NGF: variants seen among roughly 807,000 people sequenced by gnomAD.
The protein encoded by NGF is beta-nerve growth factor.
NGF carries 4 observed loss-of-function variants against 12.8 expected under a neutral mutation model. The observed-to-expected ratio is 0.31, with a 90% CI of 0.15 to 0.72. NGF has a LOEUF of 0.72. Among genes scored for constraint, NGF ranks in the 30% least tolerant of loss-of-function variants. The pLI is 0.69. For missense variants in NGF, 283 were observed against 330.8 expected (o/e 0.86, Z 1.12); for synonymous variants, 140 against 130.0 (o/e 1.08, Z -0.52).
At chr1:115,332,183 T>G (rs919835374) in intron 1 of NGF, among the ~76,000 whole-genome samples, 4 of 152,232 alleles carry the variant, frequency 2.6e-5, no homozygotes, top group African/African-American at 9.6e-5. Flanking sequence ...AACATGGTCA[T>G]TCTCAAGAAA....
intron 1 of NGF, among the ~76,000 whole-genome samples, chr1:115,322,636 T>C (rs183256735): frequency 3.0e-4 from 46 of 152,334 alleles, no homozygotes; most frequent in African/African-American, 1.0e-3. Context: ...CTGGTTGTGA[T>C]AACAACAACT....
At chr1:115,299,839 G>A (rs975918069) in intron 1 of NGF, among the ~76,000 whole-genome samples, 4 of 152,108 alleles carry the variant, frequency 2.6e-5, no homozygotes, top group African/African-American at 7.2e-5. Context: ...TTGGCCTTTC[G>A]CTGATCCGTT....
chr1:115,287,462 A>G (rs1031201890), intron 2 of NGF, among the ~76,000 whole-genome samples: 2 of 152,196 alleles, frequency 1.3e-5, no homozygotes, highest in African/African-American at 4.8e-5. Context: ...ACGCTACCCC[A>G]CATATATAAA....
At position 115,286,577 on chromosome 1, in the gene NGF, G is replaced by A. The variant is rs780383333; in HGVS notation, c.219C>T (p.Asp73=). ...GTCGCCGCTTTTTAAACAGCCTGGG[G>A]TCCACAGTAATGTTGCGGGTCTGCC... ...VAGQTRNITV[D]PRLFKKRRLR... Residue 73 remains aspartate (D), a synonymous_variant, in exon 3 of 3, where the codon GAC becomes GAT. Transcript: ENST00000369512. 22 of 1,614,196 alleles carry A rather than the reference G, an allele frequency of 1.4e-5. No homozygotes were observed. Among genetic ancestry groups the A allele is most frequent in the Non-Finnish European group, 1.8e-5 (21 of 1,180,034 alleles).
At chr1:115,297,068 G>A (rs1653895760) in intron 1 of NGF, among the ~76,000 whole-genome samples, 1 of 138,318 alleles carries the variant, frequency 7.2e-6, no homozygotes, top group Non-Finnish European at 1.7e-5. Flanking sequence ...TGGGTTTCAT[G>A]CTTTAAAGCA....
At chr1:115,319,636 A>G (rs1183355923) in intron 1 of NGF, among the ~76,000 whole-genome samples, 1 of 152,168 alleles carries the variant, frequency 6.6e-6, no homozygotes, top group East Asian at 1.9e-4. Context: ...ACTTGACAAA[A>G]TCATACATAG....
At chr1:115,288,732 A>G (rs1406304923) in intron 2 of NGF, among the ~76,000 whole-genome samples, 1 of 152,196 alleles carries the variant, frequency 6.6e-6, no homozygotes, top group Non-Finnish European at 1.5e-5. Context: ...TTGCATTTCA[A>G]TATTTCCAGG....
chr1:115,299,503 C>T (rs369150111), intron 1 of NGF, among the ~76,000 whole-genome samples: 30 of 152,230 alleles, frequency 2.0e-4, no homozygotes, highest in African/African-American at 4.1e-4. Context: ...AGCTGTATGA[C>T]GGCCCACACC....
intron 1 of NGF, among the ~76,000 whole-genome samples, chr1:115,321,014 GCAT>G (rs1654610620): frequency 6.6e-6 from 1 of 152,152 alleles, no homozygotes; most frequent in East Asian, 1.9e-4. Context: ...TATCTTTGGA[GCAT>G]CCTTCCTCTC....
intron 1 of NGF, among the ~76,000 whole-genome samples, chr1:115,328,815 C>T (rs1328245531): frequency 6.6e-6 from 1 of 152,048 alleles, no homozygotes; most frequent in Non-Finnish European, 1.5e-5. Flanking sequence ...GTCTTGTGCC[C>T]CTTGGACAAT....
chr1:115,290,563 T>A (rs1653662910), intron 2 of NGF, among the ~76,000 whole-genome samples: 1 of 151,778 alleles, frequency 6.6e-6, no homozygotes, highest in South Asian at 2.1e-4. Flanking sequence ...GCCTGGCTAA[T>A]TTTTCTATTT....
chr1:115,336,057 A>T (rs1455909565), intron 1 of NGF, among the ~76,000 whole-genome samples: 1 of 152,146 alleles, frequency 6.6e-6, no homozygotes, highest in Non-Finnish European at 1.5e-5. Flanking sequence ...AGAGAATGAG[A>T]GTGTGAAGCC....
At chr1:115,333,790 T>C (rs11485078) in intron 1 of NGF, among the ~76,000 whole-genome samples, 3 of 100,802 alleles carry the variant, frequency 3.0e-5, no homozygotes, top group African/African-American at 1.4e-4. Flanking sequence ...CCTTCCTTTC[T>C]TTTCTTTCTT....
intron 1 of NGF, among the ~76,000 whole-genome samples, chr1:115,315,834 C>T (rs1276723680): frequency 1.3e-5 from 2 of 152,130 alleles, no homozygotes; most frequent in East Asian, 1.9e-4. Context: ...ATTGTACTGT[C>T]GAGGAAGTTA....
At chr1:115,323,203 C>A (rs1394431417) in intron 1 of NGF, among the ~76,000 whole-genome samples, 7 of 152,102 alleles carry the variant, frequency 4.6e-5, no homozygotes, top group Admixed American at 4.6e-4. Flanking sequence ...ACTGAGAGAA[C>A]TTGACAGCTG....
At chr1:115,294,096 A>G (rs1653789911) in intron 1 of NGF, among the ~76,000 whole-genome samples, 2 of 152,266 alleles carry the variant, frequency 1.3e-5, no homozygotes, top group South Asian at 4.1e-4. Context: ...GAAATTGTTC[A>G]GTACATTACA....
Position 115,286,266 on chromosome 1 carries a change from G to A in NGF, c.530C>T (p.Thr177Ile), listed in dbSNP as rs777582167. The change falls in exon 3 of 3, where the codon ACC becomes ATC. Residue 177 changes from threonine (T) to isoleucine (I), a missense_variant. Thr to Ile is a moderately conservative substitution (Grantham distance 89). Coordinates refer to ENST00000369512, the MANE Select transcript of NGF (RefSeq NM_002506.3). Reference protein sequence around the residue: ...NSVFKQYFFETKCRDPNPVDS... With the variant: ...NSVFKQYFFEIKCRDPNPVDS... ...AACGGGATTTGGGTCCCGGCACTTG[G>A]TCTCAAAAAAGTACTGTTTGAATAC... 15 of 1,614,104 alleles carry A rather than the reference G, an allele frequency of 9.3e-6. No homozygotes were observed. Among genetic ancestry groups the A allele is most frequent in the South Asian group, 7.7e-5 (7 of 91,070 alleles).
At chr1:115,331,343 A>G (rs1654917280) in intron 1 of NGF, among the ~76,000 whole-genome samples, 1 of 152,158 alleles carries the variant, frequency 6.6e-6, no homozygotes, top group Non-Finnish European at 1.5e-5. Flanking sequence ...CTCCTGTAAA[A>G]TCCTACCTGC....
chr1:115,292,692 T>C (rs1653741472), intron 2 of NGF, among the ~76,000 whole-genome samples: 1 of 152,172 alleles, frequency 6.6e-6, no homozygotes, highest in Non-Finnish European at 1.5e-5. Flanking sequence ...CTGTAACTGA[T>C]AGGTGGTGGG....
Sources: allele counts gnomAD v4.1 joint callset (sites outside exome capture counted in the v4.1 genomes callset), GRCh38; gene constraint gnomAD v4.1.1; transcripts MANE v1.5; gene names NCBI Gene and HGNC (gene_info 2026-07-23, HGNC 2026-07-21).